The following CORIN variants were observed in gnomAD, a reference collection of about 807,000 sequenced individuals.
CORIN encodes the protein atrial natriuretic peptide-converting enzyme.
In CORIN, 117 loss-of-function variants were observed where a neutral mutation model predicts 125.3. The observed-to-expected ratio is 0.93, with a 90% CI of 0.80 to 1.09. The LOEUF is 1.09. Among genes scored for constraint, CORIN ranks in the 50% least tolerant of loss-of-function variants. The probability of loss-of-function intolerance (pLI) is 0.00; values close to 1 mark genes in which losing one functional copy is unlikely to be tolerated. For missense variants in CORIN, 1,253 were observed against 1,306.7 expected (o/e 0.96, Z 0.63); for synonymous variants, 450 against 466.4 (o/e 0.96, Z 0.45).
chr4:47,750,323 A>T (rs1052667135), intron 4 of CORIN, among the ~76,000 whole-genome samples: 2 of 152,214 alleles, frequency 1.3e-5, no homozygotes, highest in Admixed American at 6.5e-5. Context: ...ATCAGAAGAT[A>T]AATAATGGAA....
chr4:47,767,641 C>A (rs141363510), intron 3 of CORIN, among the ~76,000 whole-genome samples: 1 of 152,066 alleles, frequency 6.6e-6, no homozygotes, highest in Non-Finnish European at 1.5e-5. Flanking sequence ...TAAATATAAA[C>A]CATGACTGTC....
intron 4 of CORIN, among the ~76,000 whole-genome samples, chr4:47,760,151 C>T (rs553395924): frequency 5.3e-4 from 80 of 152,244 alleles, no homozygotes; most frequent in African/African-American, 1.8e-3. Flanking sequence ...AATAATAAGA[C>T]TTGAAAGTCA....
chr4:47,765,316 A>ACCCCC (rs1560538950), intron 3 of CORIN, among the ~76,000 whole-genome samples: 7 of 151,804 alleles, frequency 4.6e-5, no homozygotes, highest in African/African-American at 1.7e-4. Context: ...GTCCCCCAAA[A>ACCCCC]AAAAAAAAAA....
chr4:47,615,923 G>A (rs952686955), intron 19 of CORIN, among the ~76,000 whole-genome samples: 1 of 152,158 alleles, frequency 6.6e-6, no homozygotes. Context: ...GATTCTACAG[G>A]ATTTACTGAT....
At chr4:47,763,820 T>C (rs1300986390) in intron 3 of CORIN, among the ~76,000 whole-genome samples, 1 of 151,810 alleles carries the variant, frequency 6.6e-6, no homozygotes, top group Non-Finnish European at 1.5e-5. Context: ...GGAAAATACA[T>C]ACTCCTCATA....
intron 4 of CORIN, among the ~76,000 whole-genome samples, chr4:47,753,849 A>G (rs1370759346): frequency 6.6e-6 from 1 of 152,174 alleles, no homozygotes; most frequent in African/African-American, 2.4e-5. Flanking sequence ...TCAGTTTAAG[A>G]AGATAACAGG....
chr4:47,737,915 C>T (rs1261148626), intron 5 of CORIN, among the ~76,000 whole-genome samples: 1 of 151,972 alleles, frequency 6.6e-6, no homozygotes, highest in African/African-American at 2.4e-5. Context: ...CTGTTAGCTC[C>T]CTGGAAACTC....
intron 4 of CORIN, among the ~76,000 whole-genome samples, chr4:47,758,144 G>A (rs1729275547): frequency 6.6e-6 from 1 of 151,744 alleles, no homozygotes; most frequent in Non-Finnish European, 1.5e-5. Flanking sequence ...TCAATCTCCT[G>A]ACCTCGTGAT....
At chr4:47,806,622 A>G (rs1731807862) in intron 2 of CORIN, among the ~76,000 whole-genome samples, 1 of 152,134 alleles carries the variant, frequency 6.6e-6, no homozygotes, top group South Asian at 2.1e-4. Flanking sequence ...GAAAGGACTA[A>G]TTTAACCATC....
chr4:47,691,089 G>A (rs890324255), intron 6 of CORIN, among the ~76,000 whole-genome samples: 8 of 152,200 alleles, frequency 5.3e-5, no homozygotes, highest in Admixed American at 3.9e-4. Context: ...TGTTGACAAG[G>A]AAAATTAGCC....
intron 19 of CORIN, among the ~76,000 whole-genome samples, chr4:47,612,467 G>A (rs1418756573): frequency 6.6e-6 from 1 of 152,096 alleles, no homozygotes; most frequent in African/African-American, 2.4e-5. Flanking sequence ...TGGCAGCCTG[G>A]ATGTCTCATT....
At chr4:47,654,087 A>T (rs1265713004) in intron 12 of CORIN, among the ~76,000 whole-genome samples, 1 of 152,152 alleles carries the variant, frequency 6.6e-6, no homozygotes, top group African/African-American at 2.4e-5. Context: ...AATGTTTTTT[A>T]CTTGAAGGAA....
intron 16 of CORIN, among the ~76,000 whole-genome samples, chr4:47,636,321 C>T (rs1723025120): frequency 6.6e-6 from 1 of 152,192 alleles, no homozygotes. Context: ...TTCCCTTAGA[C>T]TAACTCACTC....
chr4:47,727,861 A>C (rs150553020), intron 5 of CORIN, among the ~76,000 whole-genome samples: 200 of 152,280 alleles, frequency 1.3e-3, no homozygotes, highest in African/African-American at 4.7e-3. Context: ...TCACAGTTAA[A>C]ATTTTGTAGA....
chr4:47,775,116 C>G (rs1429289244), intron 3 of CORIN, among the ~76,000 whole-genome samples: 1 of 152,094 alleles, frequency 6.6e-6, no homozygotes, highest in Non-Finnish European at 1.5e-5. Flanking sequence ...GACAAGATGG[C>G]TGACTAGACG....
At chr4:47,806,796 C>A in intron 2 of CORIN, 107 bp downstream of exon 2, 1 of 1,172,832 alleles carries the variant, frequency 8.5e-7, no homozygotes, top group African/African-American at 1.6e-5. Context: ...ATAATCCTCT[C>A]ATTGACTGAC....
chr4:47,827,857 A>G (rs1190741353), intron 1 of CORIN, among the ~76,000 whole-genome samples: 4 of 152,184 alleles, frequency 2.6e-5, no homozygotes, highest in African/African-American at 9.7e-5. Flanking sequence ...AAGAGCCCTG[A>G]TACCAATGAC....
intron 13 of CORIN, among the ~76,000 whole-genome samples, chr4:47,647,058 G>A (rs61760473): frequency 5.2e-4 from 79 of 152,028 alleles, no homozygotes; most frequent in Middle Eastern, 3.4e-3. Context: ...CTGATAATCC[G>A]GGGGGGTCTT....
At chr4:47,801,794 G>A (rs1403995141) in intron 2 of CORIN, among the ~76,000 whole-genome samples, 2 of 152,250 alleles carry the variant, frequency 1.3e-5, no homozygotes, top group African/African-American at 4.8e-5. Context: ...AATGCTCTGG[G>A]ACTTTAAATG....
Sources: allele counts gnomAD v4.1 joint callset (sites outside exome capture counted in the v4.1 genomes callset), GRCh38; gene constraint gnomAD v4.1.1; transcripts MANE v1.5; gene names NCBI Gene and HGNC (gene_info 2026-07-23, HGNC 2026-07-21).